The following SNX29 variants were observed in gnomAD, a reference collection of about 807,000 sequenced individuals.
SNX29 encodes sorting nexin 29, also known as sorting nexin-29.
A neutral mutation model predicts 102.1 loss-of-function variants in SNX29; 78 were observed. The observed-to-expected ratio is 0.76, with a 90% confidence interval of 0.64 to 0.92. The LOEUF (loss-of-function observed/expected upper bound fraction) is 0.92. SNX29 is among the 40% of genes least tolerant of loss of function. SNX29 has a pLI of 0.00. For synonymous variants in SNX29, 580 were observed against 414.5 expected, an observed-to-expected ratio of 1.40 and a Z score of -4.85; for missense variants, 1,280 against 1,061.7, an observed-to-expected ratio of 1.21 and a Z score of -2.86.
At position 12,544,202 on chromosome 16, in the gene SNX29, A is replaced by C. The variant is rs147583399; in HGVS notation, c.2318+19361A>C. 3.3e-3 allele frequency among the ~76,000 whole-genome samples: 503 copies of C among 152,350 alleles called. 2 individuals carry two copies. The highest frequency in any genetic ancestry group is 0.011 in the African/African-American group (469 of 41,568). On this transcript the variant is annotated intron_variant, in intron 20 of 20. Transcript: ENST00000566228. ...TGGTGTGCACATCAGCCAAGGCTTC[A>C]GAACCGTGACAGCCGGTTCCTCACC...
chr16:12,298,574 TAACATTTAGAA>T (rs1363853279), intron 15 of SNX29, among the ~76,000 whole-genome samples: 2 of 152,232 alleles, frequency 1.3e-5, no homozygotes, highest in Non-Finnish European at 2.9e-5. Flanking sequence ...AACATGTGTC[TAACATTTAGAA>T]GAATGTCTGG....
At chr16:12,227,716 A>G (rs1259373368) in intron 14 of SNX29, among the ~76,000 whole-genome samples, 2 of 151,952 alleles carry the variant, frequency 1.3e-5, no homozygotes, top group African/African-American at 2.4e-5. Flanking sequence ...CTTAGCCAAC[A>G]TGGCGAAACC....
intron 4 of SNX29, among the ~76,000 whole-genome samples, 198 bp from the exon 5 acceptor site, chr16:12,042,699 T>G (rs2049932328): frequency 6.6e-6 from 1 of 152,256 alleles, no homozygotes. Context: ...TGTGTAAATG[T>G]ACCACATTTT....
chr16:12,296,816 AACAAAGG>A (rs2151083059), intron 15 of SNX29, among the ~76,000 whole-genome samples: 1 of 152,340 alleles, frequency 6.6e-6, no homozygotes, highest in East Asian at 1.9e-4. Context: ...ATCGCCACTT[AACAAAGG>A]ACTAAAGCGA....
chr16:12,050,293 C>T (rs539381990), intron 7 of SNX29, among the ~76,000 whole-genome samples: 7 of 152,230 alleles, frequency 4.6e-5, no homozygotes, highest in Non-Finnish European at 8.8e-5. Flanking sequence ...AAGTGTCTTA[C>T]ATCCAAGTGT....
chr16:12,137,475 G>A (rs1246840939), intron 13 of SNX29, among the ~76,000 whole-genome samples: 1 of 152,174 alleles, frequency 6.6e-6, no homozygotes, highest in Non-Finnish European at 1.5e-5. Flanking sequence ...CTGGGCTGCT[G>A]AGCAGTGAGA....
intron 3 of SNX29, among the ~76,000 whole-genome samples, chr16:12,011,293 T>G (rs1158646733): frequency 1.3e-5 from 2 of 151,918 alleles, no homozygotes; most frequent in Non-Finnish European, 2.9e-5. Flanking sequence ...TTTTTTTTTT[T>G]GAGACAGGAT....
intron 18 of SNX29, among the ~76,000 whole-genome samples, chr16:12,462,014 T>G (rs377740339): frequency 3.4e-5 from 2 of 59,460 alleles, no homozygotes; most frequent in South Asian, 1.3e-3. Context: ...TATATATATG[T>G]ATACACACAC....
chr16:12,485,794 C>T (rs576638643), intron 19 of SNX29, among the ~76,000 whole-genome samples: 24 of 152,308 alleles, frequency 1.6e-4, no homozygotes, highest in South Asian at 1.2e-3. Flanking sequence ...GCTATATGAG[C>T]TGCAGGGAAC....
intron 13 of SNX29, among the ~76,000 whole-genome samples, chr16:12,176,876 A>G (rs999468601): frequency 6.6e-6 from 1 of 152,130 alleles, no homozygotes; most frequent in African/African-American, 2.4e-5. Context: ...ACTAGGGTTT[A>G]TGACTGAGGC....
At chr16:12,007,137 T>A (rs1463075054) in intron 3 of SNX29, among the ~76,000 whole-genome samples, 1 of 152,244 alleles carries the variant, frequency 6.6e-6, no homozygotes, top group Admixed American at 6.5e-5. Flanking sequence ...GGTCTTACCT[T>A]TGAAATGTAT....
At chr16:12,344,123 C>T (rs571462063) in intron 15 of SNX29, among the ~76,000 whole-genome samples, 11 of 152,296 alleles carry the variant, frequency 7.2e-5, no homozygotes, top group South Asian at 4.2e-4. Context: ...ACATGCCTTT[C>T]GCCTTCTGCC....
At chr16:12,327,577 A>T (rs2081158264) in intron 15 of SNX29, among the ~76,000 whole-genome samples, 1 of 152,084 alleles carries the variant, frequency 6.6e-6, no homozygotes, top group African/African-American at 2.4e-5. Context: ...TAATGACCTC[A>T]TTTACCCTTA....
chr16:12,124,424 C>G (rs1004721980), intron 11 of SNX29, among the ~76,000 whole-genome samples: 1 of 151,888 alleles, frequency 6.6e-6, no homozygotes, highest in Non-Finnish European at 1.5e-5. Context: ...TAAAGTTCCA[C>G]AAACAATGGA....
chr16:12,497,611 C>T (rs1365627284), intron 19 of SNX29, among the ~76,000 whole-genome samples: 1 of 152,200 alleles, frequency 6.6e-6, no homozygotes, highest in Non-Finnish European at 1.5e-5. Flanking sequence ...CAGTCTCCTT[C>T]TCTTGTATTT....
At chr16:12,524,306 C>G (rs2090212723) in intron 19 of SNX29, among the ~76,000 whole-genome samples, 1 of 152,018 alleles carries the variant, frequency 6.6e-6, no homozygotes, top group Non-Finnish European at 1.5e-5. Context: ...TAATTACCCG[C>G]TGACCTGTGT....
At position 12,070,986 on chromosome 16, in the gene SNX29, T is replaced by C. The variant is rs1161584101; in HGVS notation, c.1319+1854T>C. The stretch of plus-strand genomic sequence containing the variant: ...TAAATGTCTTCTTTTGAGAAGTGTC[T>C]GTTCATATCCTTTGCCCACTTTTTG... On this transcript the variant is annotated intron_variant, in intron 10 of 20. Transcript: ENST00000566228. Among the ~76,000 whole-genome samples the C allele has an allele frequency of 2.0e-5, 3 of 152,282 alleles. No individual in the cohort carries two copies. The East Asian group carries it at 5.8e-4, about 29-fold the overall frequency.
intron 15 of SNX29, among the ~76,000 whole-genome samples, chr16:12,353,923 G>T (rs1399439469): frequency 6.6e-6 from 1 of 152,188 alleles, no homozygotes; most frequent in Non-Finnish European, 1.5e-5. Flanking sequence ...GAGGGCACCT[G>T]TTCTCTCTCT....
At chr16:12,155,626 G>A (rs1451720226) in intron 13 of SNX29, among the ~76,000 whole-genome samples, 4 of 152,200 alleles carry the variant, frequency 2.6e-5, no homozygotes, top group African/African-American at 9.7e-5. Context: ...CCTCTTGAGG[G>A]CAGACTGTGG....
Sources: allele counts gnomAD v4.1 joint callset (sites outside exome capture counted in the v4.1 genomes callset), GRCh38; gene constraint gnomAD v4.1.1; transcripts MANE v1.5; gene names NCBI Gene and HGNC (gene_info 2026-07-23, HGNC 2026-07-21).